SIPA1L1: variants seen among roughly 807,000 people sequenced by gnomAD.
SIPA1L1 encodes the protein signal induced proliferation associated 1 like 1.
SIPA1L1 carries 26 observed loss-of-function variants against 162.7 expected under a neutral mutation model. The ratio of observed to expected loss-of-function variants is 0.16; its 90% CI spans 0.12 to 0.22. SIPA1L1 has a LOEUF of 0.22. Among genes scored for constraint, SIPA1L1 ranks in the 10% least tolerant of loss-of-function variants. The pLI, the probability that SIPA1L1 is intolerant of heterozygous loss-of-function variation, is 1.00. For missense variants in SIPA1L1, 1,874 were observed against 2,241.0 expected, an observed-to-expected ratio of 0.84 and a Z score of 3.31; for synonymous variants, 829 against 837.4, an observed-to-expected ratio of 0.99 and a Z score of 0.17.
intron 4 of SIPA1L1, among the ~76,000 whole-genome samples, chr14:71,565,080 C>T (rs1204908728): frequency 6.6e-6 from 1 of 152,108 alleles, no homozygotes; most frequent in Non-Finnish European, 1.5e-5. Flanking sequence ...AGAACATTGG[C>T]TCTTTTCTAT....
At chr14:71,326,848 A>T (rs2033878120) in intron 2 of SIPA1L1, among the ~76,000 whole-genome samples, 1 of 147,950 alleles carries the variant, frequency 6.8e-6, no homozygotes, top group South Asian at 2.1e-4. Context: ...AGTAGCTGGG[A>T]TTACAGGCGT....
chr14:71,375,095 G>A (rs2039254184), intron 2 of SIPA1L1, among the ~76,000 whole-genome samples: 2 of 152,152 alleles, frequency 1.3e-5, no homozygotes, highest in Admixed American at 1.3e-4. Context: ...GCAGATTAGA[G>A]AATTCTTCAG....
rs997041589 is a variant in SIPA1L1, at chr14:71,593,022, T to C, written c.1498+3652T>C. Among the ~76,000 whole-genome samples the C allele has an allele frequency of 3.9e-5, 6 of 152,256 alleles. No individual in the cohort carries two copies. In the East Asian group the frequency reaches 7.7e-4, roughly 20 times the overall value. ...CATCATGTTACTTCTTTGTACTTTA[T>C]TGAGTTCCTCACTTAATGCCCATTG... On this transcript the variant is annotated intron_variant, in intron 5 of 23. Coordinates refer to ENST00000381232, the MANE Select transcript of SIPA1L1 (RefSeq NM_001386936.1).
At position 71,721,051 on chromosome 14, in the gene SIPA1L1, A is replaced by G. The variant is rs529746396; in HGVS notation, c.4209-2596A>G. 6.0e-4 allele frequency among the ~76,000 whole-genome samples: 91 copies of G among 152,240 alleles called. 4 individuals are homozygous for G. The South Asian group carries it at 0.018, about 31-fold the overall frequency. On this transcript the variant is annotated intron_variant, in intron 17 of 23. Transcript: ENST00000381232. ...ATTGAAGAGTTAGGTATTTATTCCA[A>G]TCTTGGCAGCCTGGGCTTGTTTGTA... is the stretch of plus-strand genomic sequence containing the variant.
chr14:71,608,396 G>A (rs537435210), intron 5 of SIPA1L1, among the ~76,000 whole-genome samples: 1 of 152,206 alleles, frequency 6.6e-6, no homozygotes, highest in South Asian at 2.1e-4. Context: ...GAGGTATGAA[G>A]GGTGCTTTAA....
At chr14:71,376,388 A>G (rs2039373439) in intron 2 of SIPA1L1, among the ~76,000 whole-genome samples, 1 of 151,588 alleles carries the variant, frequency 6.6e-6, no homozygotes, top group Admixed American at 6.6e-5. Flanking sequence ...TACTTTGATT[A>G]GCAAATTGGC....
intron 12 of SIPA1L1, among the ~76,000 whole-genome samples, chr14:71,684,597 G>A (rs767695131): frequency 2.0e-5 from 3 of 152,174 alleles, no homozygotes; most frequent in Non-Finnish European, 4.4e-5. Flanking sequence ...GCGGGAATGT[G>A]AAGCTGCGCA....
intron 3 of SIPA1L1, among the ~76,000 whole-genome samples, chr14:71,523,748 C>A (rs1433523353): frequency 6.6e-6 from 1 of 152,190 alleles, no homozygotes; most frequent in African/African-American, 2.4e-5. Context: ...ATGTACTACA[C>A]ATTCAGTTAT....
At chr14:71,685,230 G>T (rs1208572276) in intron 12 of SIPA1L1, 132 bp from the exon 13 acceptor site, 2 of 987,540 alleles carry the variant, frequency 2.0e-6, no homozygotes, top group East Asian at 4.8e-5. Context: ...AGGGCCCAAA[G>T]ATTGAAAGGT....
At chr14:71,525,460 G>A (rs1010543128) in intron 3 of SIPA1L1, among the ~76,000 whole-genome samples, 2 of 152,200 alleles carry the variant, frequency 1.3e-5, no homozygotes, top group African/African-American at 4.8e-5. Flanking sequence ...TGGGATTACA[G>A]GCGTGAGCCA....
chr14:71,699,273 T>C, intron 14 of SIPA1L1, 146 bp downstream of exon 14: 2 of 788,348 alleles, frequency 2.5e-6, no homozygotes, highest in Non-Finnish European at 4.0e-6. Flanking sequence ...ATAATCCAGA[T>C]AGAAAAATGG....
rs192847145 is a variant in SIPA1L1 at position 71,643,728 on chromosome 14, C to G, written c.1819-6607C>G. 7.2e-5 allele frequency among the ~76,000 whole-genome samples: 11 copies of G among 152,278 alleles called. No homozygotes were observed. In the East Asian group the frequency reaches 1.7e-3, roughly 24 times the overall value. On this transcript the variant is annotated intron_variant, in intron 7 of 23. Coordinates refer to ENST00000381232, the MANE Select transcript of SIPA1L1 (RefSeq NM_001386936.1). Reference sequence around the variant, plus strand: ...GTTTATGTACTTGGAGAAAGAAGGACTTTCATACGGCCTTTTCAGATAATT... The same window carrying G: ...GTTTATGTACTTGGAGAAAGAAGGAGTTTCATACGGCCTTTTCAGATAATT...
intron 2 of SIPA1L1, among the ~76,000 whole-genome samples, chr14:71,453,996 CAAAAAAA>C (rs751420064): frequency 2.1e-4 from 16 of 76,536 alleles, no homozygotes; most frequent in African/African-American, 6.3e-4. Context: ...GAGATTGTTT[CAAAAAAA>C]AAAAAAAAAA....
intron 6 of SIPA1L1, 126 bp downstream of exon 6, chr14:71,619,013 C>T: frequency 1.0e-6 from 1 of 967,280 alleles, no homozygotes; most frequent in South Asian, 1.8e-5. Context: ...AGCAAAGTCC[C>T]CTTTCATTTA....
At chr14:71,633,025 A>G (rs1159459168) in intron 7 of SIPA1L1, among the ~76,000 whole-genome samples, 1 of 152,238 alleles carries the variant, frequency 6.6e-6, no homozygotes, top group African/African-American at 2.4e-5. Flanking sequence ...TGCCAACACT[A>G]AGATGACACA....
At chr14:71,584,549 T>C (rs1339146925) in intron 4 of SIPA1L1, among the ~76,000 whole-genome samples, 1 of 152,240 alleles carries the variant, frequency 6.6e-6, no homozygotes, top group Non-Finnish European at 1.5e-5. Context: ...GTATGGTCCA[T>C]GCTCTGAAGA....
chr14:71,377,625 C>T lies in SIPA1L1; in HGVS notation c.-465+56444C>T, dbSNP rs1167620791. Among the ~76,000 whole-genome samples, 4 of 152,140 alleles carry T rather than the reference C, an allele frequency of 2.6e-5. No homozygotes were observed. Among genetic ancestry groups the T allele is most frequent in the Non-Finnish European group, 4.4e-5 (3 of 68,016 alleles). On this transcript the variant is annotated intron_variant, in intron 2 of 23. Transcript: ENST00000381232. This position sits in a 1 kb window ranked among gnomAD's most constrained non-coding sequence, Gnocchi z 4.8. ...CAGCACTTTGGGAGGCCAAGGCAGG[C>T]GGCTGGGAGGTGGAGGTTGTAGCGA...
intron 2 of SIPA1L1, among the ~76,000 whole-genome samples, chr14:71,487,300 C>T (rs564749137): frequency 6.6e-6 from 1 of 152,146 alleles, no homozygotes; most frequent in Admixed American, 6.5e-5. Context: ...ACTGAATGTT[C>T]CCTGGTCTCT....
chr14:71,594,480 A>G (rs1226643471), intron 5 of SIPA1L1, among the ~76,000 whole-genome samples: 1 of 152,182 alleles, frequency 6.6e-6, no homozygotes, highest in African/African-American at 2.4e-5. Context: ...GGCTTGAGAA[A>G]AGTACCATAG....
Sources: allele counts gnomAD v4.1 joint callset (sites outside exome capture counted in the v4.1 genomes callset), GRCh38; gene constraint gnomAD v4.1.1; non-coding constraint Gnocchi (gnomAD v3.1); transcripts MANE v1.5; gene names NCBI Gene and HGNC (gene_info 2026-07-23, HGNC 2026-07-21).